TAFA1: variants seen among roughly 807,000 people sequenced by gnomAD.
The protein encoded by TAFA1 is TAFA chemokine like family member 1.
In TAFA1, 4 loss-of-function variants were observed where a neutral mutation model predicts 18.5. The ratio of observed to expected loss-of-function variants is 0.22; its 90% CI spans 0.11 to 0.49. The LOEUF is 0.49. Among genes scored for constraint, TAFA1 ranks in the 20% least tolerant of loss-of-function variants. TAFA1 has a pLI of 0.98. For synonymous variants in TAFA1, 56 were observed against 55.2 expected (o/e 1.01, Z -0.06); for missense variants, 147 against 169.0 (o/e 0.87, Z 0.72).
chr3:68,505,923 T>C (rs2072742914), intron 3 of TAFA1, among the ~76,000 whole-genome samples: 1 of 151,502 alleles, frequency 6.6e-6, no homozygotes, highest in Admixed American at 6.6e-5. Flanking sequence ...AGTTCTGGGA[T>C]ACTTGTACAG....
chr3:68,414,995 T>G (rs1315872452), intron 2 of TAFA1, among the ~76,000 whole-genome samples: 1 of 152,140 alleles, frequency 6.6e-6, no homozygotes, highest in Non-Finnish European at 1.5e-5. Flanking sequence ...AGCTGACAAT[T>G]ATAAGCTAAA....
intron 3 of TAFA1, among the ~76,000 whole-genome samples, chr3:68,488,535 C>G (rs1559690526): frequency 6.6e-6 from 1 of 152,196 alleles, no homozygotes; most frequent in African/African-American, 2.4e-5. Flanking sequence ...ACTTGGGACT[C>G]TTAAGGACCA....
chr3:68,001,568 T>G (rs925882606), upstream of TAFA1, among the ~76,000 whole-genome samples: 4 of 150,872 alleles, frequency 2.7e-5, no homozygotes, highest in Non-Finnish European at 5.9e-5. Context: ...GGGTTTTATT[T>G]TGTTGTTGTT....
At chr3:68,269,426 C>A (rs951979893) in intron 2 of TAFA1, among the ~76,000 whole-genome samples, 2 of 152,094 alleles carry the variant, frequency 1.3e-5, no homozygotes, top group Non-Finnish European at 2.9e-5. Flanking sequence ...TATGATTGCA[C>A]CACTGTACTC....
chr3:68,150,361 T>G (rs2065790887), intron 2 of TAFA1, among the ~76,000 whole-genome samples: 2 of 152,222 alleles, frequency 1.3e-5, no homozygotes, highest in Admixed American at 1.3e-4. Flanking sequence ...GTGATTATCC[T>G]TGAAGAACAT....
chr3:68,197,644 C>G (rs760778682), intron 2 of TAFA1, among the ~76,000 whole-genome samples: 52 of 151,386 alleles, frequency 3.4e-4, no homozygotes, highest in Non-Finnish European at 5.0e-4. Context: ...TCAAAATTCT[C>G]TCCTACAGAA....
chr3:68,490,853 G>A (rs529184949), intron 3 of TAFA1, among the ~76,000 whole-genome samples: 9 of 138,744 alleles, frequency 6.5e-5, no homozygotes, highest in East Asian at 2.2e-4. Flanking sequence ...TTTTTTTTGT[G>A]GGGGGGACAG....
intron 3 of TAFA1, among the ~76,000 whole-genome samples, chr3:68,429,616 C>CCAT (rs964786122): frequency 1.2e-4 from 19 of 152,062 alleles, no homozygotes; most frequent in African/African-American, 4.6e-4. Context: ...AACATACACA[C>CCAT]CATCATCATT....
chr3:68,404,802 GA>G (rs112131770), intron 2 of TAFA1, among the ~76,000 whole-genome samples: 5,989 of 97,206 alleles, frequency 0.062, 356 homozygotes, highest in African/African-American at 0.18. Context: ...GCTTCAAAAA[GA>G]AAAAAAAAAA....
chr3:68,242,846 G>A (rs1045816756), intron 2 of TAFA1, among the ~76,000 whole-genome samples: 7 of 152,004 alleles, frequency 4.6e-5, no homozygotes, highest in Admixed American at 4.6e-4. Flanking sequence ...TGGAAAAAGT[G>A]TGATGAAATA....
Position 68,140,575 on chromosome 3 carries a change from C to T in TAFA1, c.118+133831C>T, listed in dbSNP as rs866334224. Among the ~76,000 whole-genome samples the T allele has an allele frequency of 9.8e-5, 15 of 152,296 alleles. No homozygotes were observed. The South Asian group carries it at 1.9e-3, about 19-fold the overall frequency. Reference sequence around the variant, plus strand: ...GCATGAGTCCTGGGCTGAACACTTTCCTGCCACTTACTTGACTTCCAACTT... The same window carrying T: ...GCATGAGTCCTGGGCTGAACACTTTTCTGCCACTTACTTGACTTCCAACTT... On this transcript the variant is annotated intron_variant, in intron 2 of 4. Coordinates refer to ENST00000478136, the MANE Select transcript of TAFA1 (RefSeq NM_213609.4).
intron 3 of TAFA1, among the ~76,000 whole-genome samples, chr3:68,494,357 A>T (rs2072505278): frequency 6.6e-6 from 1 of 152,206 alleles, no homozygotes; most frequent in Non-Finnish European, 1.5e-5. Context: ...TAAAATAGGG[A>T]TAGTAACAAG....
chr3:68,145,049 T>C (rs1484539193), intron 2 of TAFA1: 12 of 1,608,164 alleles, frequency 7.5e-6, no homozygotes, highest in Non-Finnish European at 8.5e-6. Flanking sequence ...TTTCAAAAAG[T>C]TGCTGGATCA....
At chr3:68,396,436 CTCTTG>C (rs2070385317) in intron 2 of TAFA1, among the ~76,000 whole-genome samples, 1 of 152,138 alleles carries the variant, frequency 6.6e-6, no homozygotes, top group Admixed American at 6.6e-5. Context: ...CTACAGGTTA[CTCTTG>C]TCTTTAAAAA....
chr3:68,234,479 G>A (rs2066905576), intron 2 of TAFA1, among the ~76,000 whole-genome samples: 1 of 152,188 alleles, frequency 6.6e-6, no homozygotes, highest in African/African-American at 2.4e-5. Context: ...CCGAAGGAGA[G>A]TATTTAGGAT....
chr3:68,346,855 G>T (rs1262523872), intron 2 of TAFA1, among the ~76,000 whole-genome samples: 2 of 152,194 alleles, frequency 1.3e-5, no homozygotes, highest in Non-Finnish European at 2.9e-5. Flanking sequence ...GTTTTAGTAT[G>T]CTGGGGTGTA....
intron 2 of TAFA1, among the ~76,000 whole-genome samples, chr3:68,239,743 T>C (rs2066973219): frequency 6.6e-6 from 1 of 152,192 alleles, no homozygotes; most frequent in Non-Finnish European, 1.5e-5. Context: ...GCTTCTTTTG[T>C]GCCACTGAGA....
At chr3:68,541,325 A>T (rs1289455790) in intron 4 of TAFA1, among the ~76,000 whole-genome samples, 2 of 152,194 alleles carry the variant, frequency 1.3e-5, no homozygotes, top group Non-Finnish European at 2.9e-5. Flanking sequence ...GCACCAACTA[A>T]GTCCAGATGA....
intron 2 of TAFA1, among the ~76,000 whole-genome samples, chr3:68,274,811 G>A (rs1314184690): frequency 1.3e-5 from 2 of 152,084 alleles, no homozygotes; most frequent in African/African-American, 2.4e-5. Flanking sequence ...AATGAGATGC[G>A]ACTGCTTGTG....
Sources: allele counts gnomAD v4.1 joint callset (sites outside exome capture counted in the v4.1 genomes callset), GRCh38; gene constraint gnomAD v4.1.1; transcripts MANE v1.5; gene names NCBI Gene and HGNC (gene_info 2026-07-23, HGNC 2026-07-21).